The following LYSET variants were observed in gnomAD, a reference collection of about 807,000 sequenced individuals.
The protein encoded by LYSET is GNPTAB cleavage and activity factor.
chr14:93,186,225 T>C, the LYSET span: 8 of 1,569,180 alleles, frequency 5.1e-6, no homozygotes, highest in African/African-American at 8.1e-5. Context: ...ACAGCATTAC[T>C]AGACCCTAAT....
At chr14:93,185,531 A>G in the LYSET span, 16 of 1,519,390 alleles carry the variant, frequency 1.1e-5, no homozygotes, top group African/African-American at 1.4e-5. Context: ...CTTGACTTGT[A>G]GCACCCCGCG....
At chr14:93,186,581 C>T in the LYSET span, 56 of 1,614,196 alleles carry the variant, frequency 3.5e-5, no homozygotes, top group South Asian at 5.8e-4. Flanking sequence ...ACTGTATCAT[C>T]CCTATATGCT....
At chr14:93,186,803 A>G in the LYSET span, 3 of 962,550 alleles carry the variant, frequency 3.1e-6, no homozygotes, top group Non-Finnish European at 4.6e-6. Context: ...ACATGTGATT[A>G]GGGAGCTATC....
the LYSET span, chr14:93,187,168 G>C: frequency 2.4e-5 from 4 of 165,732 alleles, no homozygotes; most frequent in African/African-American, 9.6e-5. Flanking sequence ...TAGACTTGCT[G>C]TCAGCTTATG....
At chr14:93,186,121 A>G in the LYSET span, 5 of 737,754 alleles carry the variant, frequency 6.8e-6, no homozygotes, top group African/African-American at 5.3e-5. Flanking sequence ...CACCCGCCTC[A>G]GCCTCCCAAA....
the LYSET span, among the ~76,000 whole-genome samples, chr14:93,188,445 C>T: frequency 6.6e-6 from 1 of 152,170 alleles, no homozygotes; most frequent in Non-Finnish European, 1.5e-5. Context: ...GGTACTAATA[C>T]AAATAACTAA....
At chr14:93,185,289 A>T in the LYSET span, 1 of 975,788 alleles carries the variant, frequency 1.0e-6, no homozygotes, top group Admixed American at 2.3e-5. Context: ...GCCGCGCGTG[A>T]CCCGCCGCAG....
the LYSET span, chr14:93,187,198 T>C: frequency 1.8e-5 from 3 of 162,834 alleles, no homozygotes; most frequent in African/African-American, 7.2e-5. Context: ...TAAAAAATTA[T>C]TGAGGAAATG....
chr14:93,188,067 T>C, the LYSET span, among the ~76,000 whole-genome samples: 1 of 151,798 alleles, frequency 6.6e-6, no homozygotes, highest in African/African-American at 2.4e-5. Context: ...CATGCTATTC[T>C]CCTGCCTCAG....
the LYSET span, among the ~76,000 whole-genome samples, chr14:93,188,020 G>A: frequency 1.3e-5 from 2 of 151,408 alleles, no homozygotes; most frequent in South Asian, 2.1e-4. Flanking sequence ...GTGCAGAAGT[G>A]CGATCTCAGC....
At chr14:93,186,032 C>T in the LYSET span, among the ~76,000 whole-genome samples, 50 of 151,900 alleles carry the variant, frequency 3.3e-4, no homozygotes, top group African/African-American at 1.2e-3. Context: ...CCACGCCCGG[C>T]TATTTTTTTT....
At chr14:93,185,743 TTG>T in the LYSET span, among the ~76,000 whole-genome samples, 3 of 152,192 alleles carry the variant, frequency 2.0e-5, no homozygotes, top group Non-Finnish European at 4.4e-5. Context: ...TTTTGTTTTT[TTG>T]TGTGTGTTGT....
At chr14:93,185,604 G>A in the LYSET span, 16 of 818,350 alleles carry the variant, frequency 2.0e-5, no homozygotes, top group African/African-American at 2.2e-4. Context: ...GAAATGTGCT[G>A]TGAGAAACTA....
At chr14:93,186,691 C>T in the LYSET span, 20 of 1,565,484 alleles carry the variant, frequency 1.3e-5, no homozygotes, top group East Asian at 4.5e-5. Context: ...CCGTTTTTTC[C>T]CTACGATTAC....
At chr14:93,185,063 G>C in the LYSET span, 1 of 150,554 alleles carries the variant, frequency 6.6e-6, no homozygotes. Flanking sequence ...TTTGCAAGCA[G>C]GCTCCGCCGG....
the LYSET span, chr14:93,186,955 T>C: frequency 7.6e-6 from 3 of 395,878 alleles, no homozygotes; most frequent in African/African-American, 2.1e-5. Context: ...TGAATTCATA[T>C]TTCTATTCTA....
chr14:93,186,830 C>T, the LYSET span: 28 of 722,722 alleles, frequency 3.9e-5, no homozygotes, highest in Non-Finnish European at 5.6e-5. Flanking sequence ...TGAATAATAA[C>T]GAATTTTTAG....
the LYSET span, chr14:93,186,589 G>A: frequency 6.2e-7 from 1 of 1,614,132 alleles, no homozygotes; most frequent in Non-Finnish European, 8.5e-7. Flanking sequence ...ATCCCTATAT[G>A]CTTGGCAGTT....
the LYSET span, chr14:93,185,440 A>G: frequency 6.2e-7 from 1 of 1,613,392 alleles, no homozygotes; most frequent in African/African-American, 1.3e-5. Flanking sequence ...GAGCTGAGTG[A>G]CTCTTTAACG....
Sources: gnomAD v4.1 joint callset for allele counts (sites outside exome capture counted in the v4.1 genomes callset) on GRCh38, gnomAD v4.1.1 for gene constraint, MANE v1.5 for transcripts, NCBI Gene and HGNC (gene_info 2026-07-23, HGNC 2026-07-21) for gene names.